Variants in UBE3D observed in about 807,000 individuals in gnomAD.
The protein encoded by UBE3D is ubiquitin protein ligase E3D.
UBE3D carries 48 observed loss-of-function variants against 49.6 expected under a neutral mutation model. The observed-to-expected ratio is 0.97, with a 90% CI of 0.77 to 1.23. The LOEUF (loss-of-function observed/expected upper bound fraction) is 1.23, where lower values mean the gene tolerates loss of function less well. UBE3D is among the 50% of genes most tolerant of loss of function. UBE3D has a pLI of 0.00. For synonymous variants in UBE3D, 189 were observed against 174.2 expected, an observed-to-expected ratio of 1.08 and a Z score of -0.67; for missense variants, 452 against 468.4, an observed-to-expected ratio of 0.96 and a Z score of 0.32.
At chr6:83,018,791 T>G in intron 8 of UBE3D, 182 bp downstream of exon 8, 1 of 682,584 alleles carries the variant, frequency 1.5e-6, no homozygotes, top group Non-Finnish European at 2.3e-6. Flanking sequence ...TTCTGCATAT[T>G]AACATGAATC....
chr6:83,047,698 C>T (rs1254607127), intron 3 of UBE3D, among the ~76,000 whole-genome samples: 2 of 152,126 alleles, frequency 1.3e-5, no homozygotes, highest in East Asian at 3.9e-4. Context: ...CTAAACACAC[C>T]TTATTTCATT....
At chr6:82,915,073 A>G (rs1357778116) in intron 9 of UBE3D, among the ~76,000 whole-genome samples, 1 of 152,102 alleles carries the variant, frequency 6.6e-6, no homozygotes, top group Non-Finnish European at 1.5e-5. Flanking sequence ...GACAATAAAG[A>G]GTTGAGGGCA....
chr6:82,890,083 G>A (rs1287832498), downstream of UBE3D, among the ~76,000 whole-genome samples: 1 of 152,010 alleles, frequency 6.6e-6, no homozygotes, highest in Non-Finnish European at 1.5e-5. Context: ...AATAGATTGT[G>A]GAATTATACT....
At chr6:83,047,397 C>A (rs1783134056) in intron 3 of UBE3D, among the ~76,000 whole-genome samples, 1 of 152,164 alleles carries the variant, frequency 6.6e-6, no homozygotes, top group South Asian at 2.1e-4. Flanking sequence ...CAAACTATAT[C>A]AAGAATTGTT....
At chr6:83,006,009 G>A (rs1177640628) in intron 8 of UBE3D, among the ~76,000 whole-genome samples, 2 of 152,080 alleles carry the variant, frequency 1.3e-5, no homozygotes, top group African/African-American at 4.8e-5. Context: ...TGTATCACTT[G>A]AGGCCAGGAG....
At chr6:82,918,301 CA>C (rs903376478) in intron 9 of UBE3D, among the ~76,000 whole-genome samples, 197 of 144,988 alleles carry the variant, frequency 1.4e-3, no homozygotes, top group African/African-American at 4.6e-3. Context: ...AAAAAAAAAA[CA>C]AAAAAATAAA....
intron 5 of UBE3D, chr6:83,032,216 A>G (rs925166332): frequency 2.0e-5 from 9 of 456,152 alleles, no homozygotes; most frequent in Non-Finnish European, 3.1e-5. Context: ...ACACCAGCCC[A>G]TGAAAGAAGC....
intron 9 of UBE3D, among the ~76,000 whole-genome samples, chr6:82,943,210 T>C (rs1582420047): frequency 6.6e-6 from 1 of 152,372 alleles, no homozygotes; most frequent in East Asian, 1.9e-4. Context: ...TGGGTGTATT[T>C]ACCTAATGCC....
rs185063528 is a variant in UBE3D, at chr6:82,940,032, G to A, written c.1149+17280C>T. 7.5e-4 allele frequency among the ~76,000 whole-genome samples: 114 copies of A among 152,276 alleles called. 1 individual carries two copies. The highest frequency in any genetic ancestry group is 3.4e-3 in the Middle Eastern group (1 of 294). On this transcript the variant is annotated intron_variant, in intron 9 of 9. Transcript: ENST00000369747. ...CCTTGGTAGGGACAGAAATGTCTGA[G>A]GGGCAGGTCACGTGGCAGGTATCTG...
intron 8 of UBE3D, among the ~76,000 whole-genome samples, chr6:82,977,602 C>G (rs915650184): frequency 3.9e-5 from 6 of 152,150 alleles, no homozygotes; most frequent in African/African-American, 1.2e-4. Flanking sequence ...CTTTGGGAGG[C>G]CGAGGCAGGT....
chr6:82,885,025 T>C, the UBE3D span, among the ~76,000 whole-genome samples: 1 of 152,304 alleles, frequency 6.6e-6, no homozygotes, highest in South Asian at 2.1e-4. Flanking sequence ...GAAAAAGATC[T>C]CATTTAAAAA....
At chr6:82,958,021 G>C (rs1490127517) in intron 8 of UBE3D, among the ~76,000 whole-genome samples, 1 of 152,172 alleles carries the variant, frequency 6.6e-6, no homozygotes, top group Non-Finnish European at 1.5e-5. Flanking sequence ...GAAGGGAAAG[G>C]TTGGCAGGAG....
At chr6:82,981,122 AT>A (rs1778090275) in intron 8 of UBE3D, among the ~76,000 whole-genome samples, 2 of 152,098 alleles carry the variant, frequency 1.3e-5, no homozygotes, top group African/African-American at 4.8e-5. Context: ...ATAGGGTTTC[AT>A]TTTAAAAACA....
At chr6:82,972,900 A>C (rs1777453381) in intron 8 of UBE3D, among the ~76,000 whole-genome samples, 2 of 152,196 alleles carry the variant, frequency 1.3e-5, no homozygotes, top group Non-Finnish European at 2.9e-5. Flanking sequence ...GATAGAAATA[A>C]AATCATTACC....
chr6:82,917,080 T>C (rs1326510047), intron 9 of UBE3D, among the ~76,000 whole-genome samples: 1 of 152,204 alleles, frequency 6.6e-6, no homozygotes, highest in Non-Finnish European at 1.5e-5. Context: ...TTCTAAAGAA[T>C]GTGAAACAAA....
chr6:82,974,584 C>T lies in UBE3D; in HGVS notation c.1011-17134G>A, dbSNP rs55712634. ...ATTTTTTTTAACCCCTGAATATTTT[C>T]CATCTGTGGTTGGCTTAATCCTCTG... On this transcript the variant is annotated intron_variant, in intron 8 of 9. Transcript: ENST00000369747. Among the ~76,000 whole-genome samples, 789 of 151,592 alleles carry T rather than the reference C, an allele frequency of 5.2e-3. 7 individuals carry two copies. Among genetic ancestry groups the T allele is most frequent in the African/African-American group, 0.017 (722 of 41,304 alleles).
the UBE3D span, among the ~76,000 whole-genome samples, chr6:82,882,078 C>T: frequency 2.6e-5 from 4 of 152,118 alleles, no homozygotes; most frequent in Non-Finnish European, 5.9e-5. Flanking sequence ...GTTCATCTTA[C>T]TCTGTACACA....
At chr6:82,936,870 A>G (rs1298868395) in intron 9 of UBE3D, among the ~76,000 whole-genome samples, 3 of 152,184 alleles carry the variant, frequency 2.0e-5, no homozygotes, top group Non-Finnish European at 2.9e-5. Flanking sequence ...CACTTCTGTG[A>G]AACTTTCAAC....
chr6:83,061,842 T>A (rs1353289988), intron 1 of UBE3D, among the ~76,000 whole-genome samples: 1 of 152,184 alleles, frequency 6.6e-6, no homozygotes, highest in African/African-American at 2.4e-5. Flanking sequence ...CACACTGCCA[T>A]AAGATCTTTT....
Sources: gnomAD v4.1 joint callset for allele counts (sites outside exome capture counted in the v4.1 genomes callset) on GRCh38, gnomAD v4.1.1 for gene constraint, MANE v1.5 for transcripts, NCBI Gene and HGNC (gene_info 2026-07-23, HGNC 2026-07-21) for gene names.